Variants in PHLPP1 observed in about 807,000 individuals in gnomAD.
PHLPP1 encodes PH domain leucine-rich repeat-containing protein phosphatase 1.
In PHLPP1, 42 loss-of-function variants were observed where a neutral mutation model predicts 117.2. The ratio of observed to expected loss-of-function variants is 0.36; its 90% CI spans 0.28 to 0.46. PHLPP1 has a LOEUF of 0.46. PHLPP1 is among the 20% of genes least tolerant of loss of function. The probability of loss-of-function intolerance (pLI) is 1.00; values close to 1 mark genes in which losing one functional copy is unlikely to be tolerated. For missense variants in PHLPP1, 2,084 were observed against 2,241.9 expected (o/e 0.93, Z 1.42); for synonymous variants, 1,042 against 970.7 (o/e 1.07, Z -1.37).
At chr18:62,846,520 T>C (rs533269175) in intron 3 of PHLPP1, among the ~76,000 whole-genome samples, 4 of 151,496 alleles carry the variant, frequency 2.6e-5, no homozygotes, top group Admixed American at 6.6e-5. Context: ...CCTGTAAAGA[T>C]CATATCACAC....
chr18:62,858,395 C>T (rs1443895069), intron 3 of PHLPP1, among the ~76,000 whole-genome samples: 1 of 151,816 alleles, frequency 6.6e-6, no homozygotes. Flanking sequence ...CCCGAGTAGC[C>T]GGGATTACAG....
intron 1 of PHLPP1, among the ~76,000 whole-genome samples, chr18:62,786,240 TTATTC>T (rs1306085363): frequency 6.6e-6 from 1 of 152,210 alleles, no homozygotes; most frequent in Non-Finnish European, 1.5e-5. Context: ...ATAAACATCT[TTATTC>T]TATGTCTACA....
At chr18:62,841,718 T>C (rs1286873026) in intron 3 of PHLPP1, among the ~76,000 whole-genome samples, 1 of 152,200 alleles carries the variant, frequency 6.6e-6, no homozygotes, top group African/African-American at 2.4e-5. Flanking sequence ...CTTGCAGTTG[T>C]ATGTAGACAG....
intron 1 of PHLPP1, among the ~76,000 whole-genome samples, chr18:62,740,296 T>G (rs1911485760): frequency 6.6e-6 from 1 of 152,170 alleles, no homozygotes; most frequent in South Asian, 2.1e-4. Context: ...ATAAACTCAT[T>G]TATGGATATT....
intron 1 of PHLPP1, among the ~76,000 whole-genome samples, chr18:62,784,931 A>G (rs1913233823): frequency 6.6e-6 from 1 of 152,240 alleles, no homozygotes; most frequent in Admixed American, 6.5e-5. Context: ...AATATAGCAT[A>G]AATGCTAGAG....
chr18:62,942,719 A>G (rs1357986575), intron 11 of PHLPP1, among the ~76,000 whole-genome samples: 11 of 152,120 alleles, frequency 7.2e-5, no homozygotes, highest in African/African-American at 7.2e-5. Flanking sequence ...ACACCCACGC[A>G]TCAAAGAAAC....
At chr18:62,780,206 A>G (rs1430663189) in intron 1 of PHLPP1, among the ~76,000 whole-genome samples, 1 of 152,184 alleles carries the variant, frequency 6.6e-6, no homozygotes, top group Non-Finnish European at 1.5e-5. Flanking sequence ...GAACATTAAA[A>G]CATCTGAAGG....
At chr18:62,868,162 T>C (rs998258391) in intron 4 of PHLPP1, among the ~76,000 whole-genome samples, 31 of 152,322 alleles carry the variant, frequency 2.0e-4, no homozygotes, top group Admixed American at 8.5e-4. Flanking sequence ...TTTTCTGTTA[T>C]GCTTGATAAC....
intron 9 of PHLPP1, among the ~76,000 whole-genome samples, chr18:62,916,888 G>T (rs1282931085): frequency 6.7e-6 from 1 of 150,044 alleles, no homozygotes; most frequent in Non-Finnish European, 1.5e-5. Context: ...CGAGTAGCTG[G>T]GACTACAGGT....
Position 62,715,581 on chromosome 18 carries a change from C to T in PHLPP1, c.-103C>T. 2 of 659,690 alleles carry T rather than the reference C, an allele frequency of 3.0e-6. No individual in the cohort carries two copies. The highest frequency in any genetic ancestry group is 2.2e-6 in the Non-Finnish European group (1 of 462,790). 40.9% of individuals were successfully genotyped at this position (659,690 alleles called of 1,614,324 possible). ...CGGCCGCGCACAACGCCATTGGCTT[C>T]TCCCTTCTCCGCGCGCCGCCGCCGT... is the stretch of plus-strand genomic sequence containing the variant. On this transcript the variant is annotated 5_prime_UTR_variant, in exon 1 of 17. Coordinates refer to ENST00000262719, the MANE Select transcript of PHLPP1 (RefSeq NM_194449.4).
intron 1 of PHLPP1, among the ~76,000 whole-genome samples, chr18:62,751,722 T>C (rs1911859915): frequency 6.6e-6 from 1 of 152,020 alleles, no homozygotes; most frequent in Admixed American, 6.5e-5. Flanking sequence ...GTTCTCACAG[T>C]CATTTGGGGT....
chr18:62,968,563 A>T (rs2144487182), intron 14 of PHLPP1, among the ~76,000 whole-genome samples: 1 of 93,730 alleles, frequency 1.1e-5, no homozygotes, highest in Non-Finnish European at 1.9e-5. Context: ...TTTGAGATGG[A>T]GTCTCACTCT....
intron 10 of PHLPP1, among the ~76,000 whole-genome samples, chr18:62,925,078 A>ACTT (rs1909584692): frequency 6.6e-6 from 1 of 151,630 alleles, no homozygotes; most frequent in African/African-American, 2.4e-5. Flanking sequence ...CCTGATGGAA[A>ACTT]CCCCAAAAGA....
chr18:62,791,754 C>T (rs1215854607), intron 1 of PHLPP1, among the ~76,000 whole-genome samples: 2 of 152,146 alleles, frequency 1.3e-5, no homozygotes, highest in African/African-American at 4.8e-5. Flanking sequence ...TGACTTTAGA[C>T]TTTTGTCTTC....
chr18:62,890,417 C>T (rs1916378480), intron 4 of PHLPP1, among the ~76,000 whole-genome samples: 1 of 152,050 alleles, frequency 6.6e-6, no homozygotes, highest in African/African-American at 2.4e-5. Context: ...AGGCACCCGC[C>T]ACCACGCTCG....
chr18:62,947,001 C>T (rs1292405686), intron 12 of PHLPP1, among the ~76,000 whole-genome samples: 4 of 152,282 alleles, frequency 2.6e-5, no homozygotes, highest in East Asian at 1.9e-4. Context: ...TGCAGTGAGC[C>T]GAGATCGTGC....
intron 10 of PHLPP1, among the ~76,000 whole-genome samples, chr18:62,936,510 T>C (rs1909971786): frequency 6.6e-6 from 1 of 152,214 alleles, no homozygotes; most frequent in East Asian, 1.9e-4. Flanking sequence ...ACACGTTATT[T>C]AATTACAAAA....
chr18:62,728,758 C>T (rs1219321132), intron 1 of PHLPP1, among the ~76,000 whole-genome samples: 1 of 152,272 alleles, frequency 6.6e-6, no homozygotes, highest in African/African-American at 2.4e-5. Context: ...CTGCCCGCCT[C>T]GGCCTCCCAA....
intron 1 of PHLPP1, among the ~76,000 whole-genome samples, chr18:62,749,458 C>T (rs1911778479): frequency 6.6e-6 from 1 of 152,330 alleles, no homozygotes; most frequent in South Asian, 2.1e-4. Context: ...CAGTTTCTCT[C>T]TTTCCAGTTT....
Sources: gnomAD v4.1 joint callset for allele counts (sites outside exome capture counted in the v4.1 genomes callset) on GRCh38, gnomAD v4.1.1 for gene constraint, MANE v1.5 for transcripts, NCBI Gene and HGNC (gene_info 2026-07-23, HGNC 2026-07-21) for gene names.